GRIN2A: variants seen among roughly 807,000 people sequenced by gnomAD.
GRIN2A encodes glutamate receptor ionotropic, NMDA 2A.
In GRIN2A, 22 loss-of-function variants were observed where a neutral mutation model predicts 113.4. That is an observed-to-expected ratio of 0.19 (90% confidence interval 0.14 to 0.28). GRIN2A has a LOEUF of 0.28. Ranked by LOEUF, GRIN2A falls within the 10% of genes least tolerant of loss-of-function variation. GRIN2A has a pLI of 1.00. For synonymous variants in GRIN2A, 827 were observed against 738.4 expected (o/e 1.12, Z -1.94); for missense variants, 1,502 against 1,887.0 (o/e 0.80, Z 3.78).
chr16:9,904,388 T>C (rs182114365), intron 3 of GRIN2A, among the ~76,000 whole-genome samples: 1 of 152,252 alleles, frequency 6.6e-6, no homozygotes, highest in African/African-American at 2.4e-5. Flanking sequence ...TTCTTTTCTT[T>C]TGAGACAGAG....
intron 3 of GRIN2A, among the ~76,000 whole-genome samples, chr16:9,910,766 G>A (rs1467108934): frequency 1.3e-5 from 2 of 152,072 alleles, no homozygotes; most frequent in Non-Finnish European, 2.9e-5. Context: ...TCAAACTCCT[G>A]ACCTCAGACC....
Position 9,763,382 on chromosome 16 carries a change from T to G in GRIN2A, c.4162A>C (p.Lys1388Gln), listed in dbSNP as rs1490443176. 1.9e-6 allele frequency: 3 copies of G among 1,614,132 alleles called. No individual in the cohort carries two copies. ...VIGRCPSDPY[K>Q]HSLPSQAVND... is the part of the protein sequence containing the mutation. ...ACCGCCTGGGATGGCAACGAGTGTT[T>G]GTAAGGGTCCGAGGGGCATCTCCCA... Residue 1388 changes from lysine to glutamine, a missense_variant, in exon 13 of 13, where the codon AAA becomes CAA. Physicochemically the swap from Lys to Gln is moderately conservative, Grantham distance 53 (BLOSUM62 1). This residue lies in a region of GRIN2A where 832 missense variants were observed against 789.7 expected (regional missense o/e 1.05). Coordinates refer to ENST00000330684, the MANE Select transcript of GRIN2A (RefSeq NM_001134407.3).
chr16:9,755,333 C>G lies in GRIN2A; in HGVS notation c.*7816G>C, dbSNP rs969486711. On this transcript the variant is annotated 3_prime_UTR_variant, in exon 13 of 13. Transcript: ENST00000330684. The stretch of plus-strand genomic sequence containing the variant: ...GGTCAAATCGTTCTTTGGAGTGCTC[C>G]ATTTCTGCATAGCTCAACATTCCAA... 1 of 186,544 alleles carries G rather than the reference C, an allele frequency of 5.4e-6. No homozygotes were observed. Among genetic ancestry groups the G allele is most frequent in the African/African-American group, 2.3e-5 (1 of 42,714 alleles). 11.6% of individuals were successfully genotyped at this position (186,544 alleles called of 1,614,324 possible). A position where few individuals can be genotyped will look rare whatever the true frequency, so the allele number is the denominator to read the frequency against.
chr16:10,054,510 C>A (rs959531521), intron 2 of GRIN2A, among the ~76,000 whole-genome samples: 1 of 152,178 alleles, frequency 6.6e-6, no homozygotes, highest in Non-Finnish European at 1.5e-5. Flanking sequence ...GTTGAAGATG[C>A]CCACATCCTA....
chr16:9,940,061 A>AGTGTGT lies in GRIN2A; in HGVS notation c.415-1516_415-1511dup, dbSNP rs56116543. On this transcript the variant is annotated intron_variant, in intron 2 of 12. Coordinates refer to ENST00000330684, the MANE Select transcript of GRIN2A (RefSeq NM_001134407.3). ...GAGAGAAAGAGAGAGAGAGAGAGAG[A>AGTGTGT]GTGTGTGTGTGTGTGTGTGTGTGTG... is the stretch of plus-strand genomic sequence containing the variant. Among the ~76,000 whole-genome samples the AGTGTGT allele has an allele frequency of 1.1e-3, 157 of 142,910 alleles. 1 individual carries two copies. Among genetic ancestry groups the AGTGTGT allele is most frequent in the African/African-American group, 1.4e-3 (54 of 38,018 alleles). The allele number at this position is 142,910 out of a possible 152,430, so 93.8% of individuals were successfully genotyped here.
chr16:10,158,489 T>C (rs1263378200), intron 2 of GRIN2A, among the ~76,000 whole-genome samples: 3 of 152,182 alleles, frequency 2.0e-5, no homozygotes, highest in Non-Finnish European at 2.9e-5. Context: ...AGCAGCACCA[T>C]TCACAATAGC....
rs1237762078 is a variant in GRIN2A, at chr16:9,758,703, C to CTGA, written c.*4443_*4445dup. 4 of 215,202 alleles carry CTGA rather than the reference C, an allele frequency of 1.9e-5. No individual in the cohort carries two copies. The East Asian group carries it at 2.7e-4, about 15-fold the overall frequency. The allele number at this position is 215,202 out of a possible 1,614,324, so 13.3% of individuals were successfully genotyped here. On this transcript the variant is annotated 3_prime_UTR_variant, in exon 13 of 13. Transcript: ENST00000330684. The stretch of plus-strand genomic sequence containing the variant: ...TCTCTGATCTATATCAAGTGGCAAG[C>CTGA]TGACCTCATCTGATACAATTAGATA...
At chr16:10,046,647 C>T (rs552752710) in intron 2 of GRIN2A, among the ~76,000 whole-genome samples, 5 of 151,438 alleles carry the variant, frequency 3.3e-5, no homozygotes, top group Admixed American at 3.3e-4. Context: ...GCAGCAGCTA[C>T]ACACACACAC....
chr16:9,829,678 C>G (rs750508396), intron 8 of GRIN2A, 26 bp from the exon 9 acceptor site: 8 of 1,552,130 alleles, frequency 5.2e-6, no homozygotes, highest in Non-Finnish European at 6.2e-6. Flanking sequence ...AGGACATTCT[C>G]AGCATTTTCT....
At position 10,180,249 on chromosome 16, in the gene GRIN2A, A is replaced by G; in HGVS notation, c.163T>C (p.Trp55Arg). The part of the protein sequence containing the change: ...DVTERELRTL[W>R]GPEQAAGLPL... Reference sequence around the variant, plus strand: ...AGCCCCGCCGCCTGCTCGGGGCCCCACAGTGTTCGAAGTTCGCGCTCTGTC... The same window carrying G: ...AGCCCCGCCGCCTGCTCGGGGCCCCGCAGTGTTCGAAGTTCGCGCTCTGTC... Residue 55 changes from tryptophan (W) to arginine (R), a missense_variant, in exon 2 of 13, where the codon TGG becomes CGG. Physicochemically the swap from Trp to Arg is moderately radical, Grantham distance 101 (BLOSUM62 -3). This residue lies in a region of GRIN2A where 149 missense variants were observed against 179.1 expected (regional missense o/e 0.83). Transcript: ENST00000330684. This position sits in a 1 kb window ranked among gnomAD's most constrained non-coding sequence, Gnocchi z 7.0. 2.5e-6 allele frequency: 4 copies of G among 1,613,928 alleles called. No homozygotes were observed. The highest frequency in any genetic ancestry group is 3.4e-6 in the Non-Finnish European group (4 of 1,180,004).
At chr16:9,898,700 G>A (rs1193938272) in intron 3 of GRIN2A, among the ~76,000 whole-genome samples, 6 of 150,418 alleles carry the variant, frequency 4.0e-5, no homozygotes, top group Admixed American at 2.6e-4. Flanking sequence ...CAGTTTCTTC[G>A]TTTGTCATTT....
intron 10 of GRIN2A, among the ~76,000 whole-genome samples, chr16:9,818,178 T>C (rs1038615038): frequency 2.0e-5 from 3 of 151,932 alleles, no homozygotes; most frequent in Admixed American, 6.6e-5. Flanking sequence ...CGTGGACACC[T>C]GAAAGACCGC....
intron 2 of GRIN2A, among the ~76,000 whole-genome samples, chr16:10,028,163 T>C (rs1027579720): frequency 4.7e-4 from 71 of 152,370 alleles, no homozygotes; most frequent in African/African-American, 1.7e-3. Flanking sequence ...CACTTACTGC[T>C]TGCAGCAACT....
intron 3 of GRIN2A, among the ~76,000 whole-genome samples, chr16:9,919,803 G>A (rs538749183): frequency 6.6e-6 from 1 of 152,254 alleles, no homozygotes; most frequent in East Asian, 1.9e-4. Context: ...GGCTCCTGCC[G>A]TTCTGACCAT....
At chr16:10,101,496 C>G (rs1379571082) in intron 2 of GRIN2A, among the ~76,000 whole-genome samples, 2 of 152,226 alleles carry the variant, frequency 1.3e-5, no homozygotes, top group East Asian at 3.8e-4. Context: ...TGCCAGGAAG[C>G]TTTCTGAGCA....
chr16:10,008,300 A>C (rs2046440758), intron 2 of GRIN2A, among the ~76,000 whole-genome samples: 1 of 152,176 alleles, frequency 6.6e-6, no homozygotes, highest in Non-Finnish European at 1.5e-5. Flanking sequence ...AGCAAAACTA[A>C]TTTGGTTGTG....
rs1555482237 is a variant in GRIN2A, at chr16:9,763,790, G to A, written c.3754C>T (p.Gln1252Ter). Reference sequence around the variant, plus strand: ...GGGTTACCTGTCTCCTGAAGCATCTGGTCTTCATCGATGTCATAGAGGTTC... The same window carrying A: ...GGGTTACCTGTCTCCTGAAGCATCTAGTCTTCATCGATGTCATAGAGGTTC... ...MGNLYDIDED[Q>*]MLQETGNPAT... The change falls in exon 13 of 13, where the codon CAG (glutamine) becomes TAG (stop). Residue 1252 changes from glutamine (Q) to a stop codon, truncating the protein, a stop_gained. Coordinates refer to ENST00000330684, the MANE Select transcript of GRIN2A (RefSeq NM_001134407.3). LOFTEE classifies it high-confidence loss of function. The A allele has an allele frequency of 6.2e-7, 1 of 1,614,094 alleles. No individual in the cohort carries two copies. The highest frequency in any genetic ancestry group is 1.1e-5 in the South Asian group (1 of 91,070).
At chr16:9,958,713 A>T (rs372033075) in intron 2 of GRIN2A, among the ~76,000 whole-genome samples, 2 of 152,106 alleles carry the variant, frequency 1.3e-5, no homozygotes, top group East Asian at 1.9e-4. Flanking sequence ...TGCATACCAG[A>T]TTGCAAGCAG....
At chr16:10,129,540 G>C (rs1479976463) in intron 2 of GRIN2A, among the ~76,000 whole-genome samples, 1 of 152,112 alleles carries the variant, frequency 6.6e-6, no homozygotes, top group Non-Finnish European at 1.5e-5. Flanking sequence ...TGAATGGTGA[G>C]AACAAGACAA....
Sources: gnomAD v4.1 joint callset for allele counts (sites outside exome capture counted in the v4.1 genomes callset) on GRCh38, gnomAD v4.1.1 for gene constraint, gnomAD v4.1.1 regional missense constraint, Gnocchi (gnomAD v3.1) non-coding constraint, MANE v1.5 for transcripts, NCBI Gene and HGNC (gene_info 2026-07-23, HGNC 2026-07-21) for gene names.